TNR: variants seen among roughly 807,000 people sequenced by gnomAD.
The protein encoded by TNR is tenascin-R.
TNR carries 45 observed loss-of-function variants against 150.4 expected under a neutral mutation model. The observed-to-expected ratio is 0.30, with a 90% CI of 0.24 to 0.38. The LOEUF is 0.38. TNR is among the 10% of genes least tolerant of loss of function. TNR has a pLI of 1.00. For synonymous variants in TNR, 687 were observed against 678.4 expected, an observed-to-expected ratio of 1.01 and a Z score of -0.20; for missense variants, 1,544 against 1,759.1, an observed-to-expected ratio of 0.88 and a Z score of 2.19.
intron 20 of TNR, among the ~76,000 whole-genome samples, chr1:175,334,262 G>C (rs1650107803): frequency 6.6e-6 from 1 of 152,168 alleles, no homozygotes; most frequent in African/African-American, 2.4e-5. Flanking sequence ...TCATTTCTGG[G>C]CATAGGCCAA....
intron 20 of TNR, among the ~76,000 whole-genome samples, chr1:175,331,058 T>TTTCTTTCCTTCC (rs1553203363): frequency 5.2e-5 from 6 of 116,276 alleles, no homozygotes; most frequent in African/African-American, 1.8e-4. Flanking sequence ...TCTTTCTTTC[T>TTTCTTTCCTTCC]TTCTTTCTTT....
chr1:175,328,043 G>T (rs1649511771), intron 21 of TNR, among the ~76,000 whole-genome samples: 1 of 152,228 alleles, frequency 6.6e-6, no homozygotes, highest in Non-Finnish European at 1.5e-5. Context: ...AGGAGGCAGT[G>T]GTTGCAGTGA....
At chr1:175,341,571 G>T (rs1007487899) in intron 18 of TNR, among the ~76,000 whole-genome samples, 2 of 152,236 alleles carry the variant, frequency 1.3e-5, no homozygotes, top group Non-Finnish European at 2.9e-5. Context: ...ACGCAGTGCA[G>T]TCAGGGGACC....
chr1:175,369,208 C>G (rs776243143), intron 9 of TNR, among the ~76,000 whole-genome samples: 1 of 152,208 alleles, frequency 6.6e-6, no homozygotes, highest in Non-Finnish European at 1.5e-5. Context: ...TCTCCATCTA[C>G]ATTAGCTTCC....
chr1:175,354,102 C>G lies in TNR; in HGVS notation c.3382+289G>C, dbSNP rs145483944. ...CTCAGGTAATCTGCCCATCTAGGCC[C>G]CCGAAGTGCTGGGATTATAGGTGTG... is the stretch of plus-strand genomic sequence containing the variant. On this transcript the variant is annotated intron_variant, in intron 18 of 22. Transcript: ENST00000367674. Among the ~76,000 whole-genome samples the G allele has an allele frequency of 3.2e-4, 49 of 152,240 alleles. 1 individual carries two copies. In the East Asian group the frequency reaches 9.3e-3, roughly 29 times the overall value.
intron 2 of TNR, among the ~76,000 whole-genome samples, chr1:175,442,277 T>G (rs984736288): frequency 6.6e-6 from 1 of 152,200 alleles, no homozygotes; most frequent in African/African-American, 2.4e-5. Flanking sequence ...GCAGGGCATG[T>G]AAACCAGTCT....
chr1:175,500,990 T>G (rs770481040), intron 2 of TNR, among the ~76,000 whole-genome samples: 3 of 152,160 alleles, frequency 2.0e-5, no homozygotes, highest in Admixed American at 1.3e-4. Context: ...TTCCATCCCC[T>G]GGTATACATA....
chr1:175,548,578 G>C (rs961214695), intron 1 of TNR, among the ~76,000 whole-genome samples: 1 of 151,342 alleles, frequency 6.6e-6, no homozygotes, highest in African/African-American at 2.4e-5. Context: ...AGACCAAATT[G>C]TGCATGACCT....
chr1:175,417,941 T>C (rs1277170415), intron 2 of TNR, among the ~76,000 whole-genome samples: 2 of 152,214 alleles, frequency 1.3e-5, no homozygotes, highest in Admixed American at 6.5e-5. Context: ...GCTCTAGTGG[T>C]CTAAATGAGT....
chr1:175,582,897 C>G (rs1662414584), intron 1 of TNR, among the ~76,000 whole-genome samples: 1 of 151,792 alleles, frequency 6.6e-6, no homozygotes, highest in Non-Finnish European at 1.5e-5. Context: ...TAGTTCAGCC[C>G]CCTTTTCTCC....
intron 1 of TNR, among the ~76,000 whole-genome samples, chr1:175,646,212 C>T (rs1457813131): frequency 1.3e-5 from 2 of 152,184 alleles, no homozygotes; most frequent in Non-Finnish European, 2.9e-5. Context: ...ACTAAAAGGG[C>T]TCCCATCTGA....
At chr1:175,709,886 T>C (rs962852005) in intron 1 of TNR, among the ~76,000 whole-genome samples, 3 of 151,942 alleles carry the variant, frequency 2.0e-5, no homozygotes, top group African/African-American at 4.8e-5. Flanking sequence ...GCTCAAGGAC[T>C]ATCAGGTGAG....
chr1:175,536,465 T>C (rs1292070588), intron 1 of TNR, among the ~76,000 whole-genome samples: 1 of 152,174 alleles, frequency 6.6e-6, no homozygotes, highest in African/African-American at 2.4e-5. Context: ...CATTTTACAG[T>C]CAGGAAACTG....
Position 175,561,662 on chromosome 1 carries a change from C to A in TNR, c.-164-33293G>T, listed in dbSNP as rs545873790. Among the ~76,000 whole-genome samples, 10 of 152,210 alleles carry A rather than the reference C, an allele frequency of 6.6e-5. No individual in the cohort carries two copies. In the South Asian group the frequency reaches 1.9e-3, roughly 28 times the overall value. On this transcript the variant is annotated intron_variant, in intron 1 of 22. Transcript: ENST00000367674. ...CAGAGGAGGAAAACACAGAAGCTAA[C>A]AAACTCTGCTGTGTCCAGACCTTAA...
At chr1:175,395,113 G>A (rs1653364428) in intron 5 of TNR, among the ~76,000 whole-genome samples, 1 of 151,996 alleles carries the variant, frequency 6.6e-6, no homozygotes. Flanking sequence ...TATTAACAGA[G>A]TCAGCACTCT....
At chr1:175,373,323 A>C (rs965136212) in intron 9 of TNR, among the ~76,000 whole-genome samples, 2 of 152,214 alleles carry the variant, frequency 1.3e-5, no homozygotes, top group African/African-American at 4.8e-5. Context: ...CAGAGGTTTC[A>C]TGGGGGAGAT....
intron 20 of TNR, chr1:175,333,331 C>T (rs902212826): frequency 6.6e-6 from 1 of 152,052 alleles, no homozygotes; most frequent in African/African-American, 2.4e-5. Context: ...GAAAATATGA[C>T]ACAAATTGTG....
chr1:175,713,590 G>A (rs56354273), intron 1 of TNR, among the ~76,000 whole-genome samples: 2,983 of 152,258 alleles, frequency 0.02, 89 homozygotes, highest in African/African-American at 0.066. Context: ...ATGCTAAAAC[G>A]CTTCTCATTG....
intron 7 of TNR, among the ~76,000 whole-genome samples, chr1:175,387,595 G>C (rs754013478): frequency 1.3e-5 from 2 of 152,232 alleles, no homozygotes; most frequent in Non-Finnish European, 2.9e-5. Flanking sequence ...AGTCTTTTGT[G>C]AGGCCCAGAT....
Sources: gnomAD v4.1 joint callset for allele counts (sites outside exome capture counted in the v4.1 genomes callset) on GRCh38, gnomAD v4.1.1 for gene constraint, MANE v1.5 for transcripts, NCBI Gene and HGNC (gene_info 2026-07-23, HGNC 2026-07-21) for gene names.